Variants in MEI4 observed in about 807,000 individuals in gnomAD.
MEI4 encodes meiosis-specific protein MEI4.
In MEI4, 27 loss-of-function variants were observed where a neutral mutation model predicts 31.4. That is an observed-to-expected ratio of 0.86 (90% CI 0.63 to 1.19). The LOEUF is 1.19. Ranked by LOEUF, MEI4 falls within the 50% of genes most tolerant of loss-of-function variation. The probability of loss-of-function intolerance (pLI) is 0.00; values close to 1 mark genes in which losing one functional copy is unlikely to be tolerated. For missense variants in MEI4, 329 were observed against 398.9 expected (o/e 0.82, Z 1.49); for synonymous variants, 122 against 145.4 (o/e 0.84, Z 1.16).
chr6:77,907,858 G>T (rs1011740681), intron 4 of MEI4, among the ~76,000 whole-genome samples: 1 of 151,942 alleles, frequency 6.6e-6, no homozygotes, highest in East Asian at 1.9e-4. Flanking sequence ...GTATGAGATG[G>T]TATCTCATTG....
At chr6:77,861,183 C>CT (rs1284478189) in intron 4 of MEI4, among the ~76,000 whole-genome samples, 4 of 152,148 alleles carry the variant, frequency 2.6e-5, no homozygotes, top group Admixed American at 2.6e-4. Context: ...CCACAGTGCC[C>CT]TTTTGATTGG....
intron 2 of MEI4, among the ~76,000 whole-genome samples, chr6:77,740,435 A>C (rs1362542292): frequency 6.6e-6 from 1 of 152,184 alleles, no homozygotes; most frequent in African/African-American, 2.4e-5. Flanking sequence ...TATTACTGCA[A>C]TTGAAGCCTT....
At chr6:77,754,156 A>G (rs1287227136) in intron 2 of MEI4, among the ~76,000 whole-genome samples, 1 of 152,092 alleles carries the variant, frequency 6.6e-6, no homozygotes, top group African/African-American at 2.4e-5. Flanking sequence ...AATGTAGATG[A>G]TGGGTTGATG....
At chr6:77,674,516 C>T (rs1768804604) in intron 1 of MEI4, among the ~76,000 whole-genome samples, 1 of 152,132 alleles carries the variant, frequency 6.6e-6, no homozygotes, top group Admixed American at 6.5e-5. Context: ...CTGAAGTATT[C>T]AATGCAGTAA....
intron 2 of MEI4, among the ~76,000 whole-genome samples, chr6:77,698,492 G>T (rs1473262539): frequency 6.6e-6 from 1 of 152,134 alleles, no homozygotes; most frequent in Non-Finnish European, 1.5e-5. Flanking sequence ...GCATTTGCTT[G>T]TCTGTAAAGG....
chr6:77,774,136 A>T (rs1404898373), intron 3 of MEI4, among the ~76,000 whole-genome samples: 1 of 152,136 alleles, frequency 6.6e-6, no homozygotes, highest in East Asian at 1.9e-4. Context: ...AGAACTTCAA[A>T]TGATCCAGGA....
At position 77,730,423 on chromosome 6, in the gene MEI4, C is replaced by T. The variant is rs1905263; in HGVS notation, c.233-30707C>T. Among the ~76,000 whole-genome samples the T allele has an allele frequency of 0.023, 3,447 of 151,964 alleles. 324 individuals carry two copies. In the East Asian group the frequency reaches 0.31, roughly 14 times the overall value. ...CTGACACTTCCTGTTTGTTAGGAAA[C>T]GGAATTAGGACTATGTTTTCACTAT... is the stretch of plus-strand genomic sequence containing the variant. On this transcript the variant is annotated intron_variant, in intron 2 of 4. Transcript: ENST00000684080.
At chr6:77,736,067 AG>A (rs1767199904) in intron 2 of MEI4, among the ~76,000 whole-genome samples, 1 of 152,026 alleles carries the variant, frequency 6.6e-6, no homozygotes, top group South Asian at 2.1e-4. Context: ...AAGTCTGCAG[AG>A]GTTACTGCTG....
chr6:77,663,402 A>G (rs1269691853), intron 1 of MEI4, among the ~76,000 whole-genome samples: 1 of 151,946 alleles, frequency 6.6e-6, no homozygotes, highest in Non-Finnish European at 1.5e-5. Flanking sequence ...TTGTGGGTTA[A>G]GGTGGGGGGA....
chr6:77,875,453 C>T lies in MEI4; in HGVS notation c.900+46391C>T, dbSNP rs189040746. 4.5e-3 allele frequency among the ~76,000 whole-genome samples: 688 copies of T among 152,210 alleles called. 5 individuals are homozygous for T. Among genetic ancestry groups the T allele is most frequent in the African/African-American group, 0.016 (672 of 41,546 alleles). ...CAGTGTTGTTTAACAATGGTTTTAG[C>T]TTTTTGCTATATTTGACATGATTGT... On this transcript the variant is annotated intron_variant, in intron 4 of 4. Coordinates refer to ENST00000684080, the MANE Select transcript of MEI4 (RefSeq NM_001322247.2).
upstream of MEI4, among the ~76,000 whole-genome samples, chr6:77,651,502 C>G (rs1395642855): frequency 6.6e-6 from 1 of 152,104 alleles, no homozygotes; most frequent in African/African-American, 2.4e-5. Flanking sequence ...TGTTCAATAG[C>G]AACATTTTTG....
At chr6:77,786,321 A>C (rs556145101) in intron 3 of MEI4, among the ~76,000 whole-genome samples, 1 of 152,258 alleles carries the variant, frequency 6.6e-6, no homozygotes, top group Non-Finnish European at 1.5e-5. Context: ...ACTAAGGTAA[A>C]ATTGTAAACA....
At chr6:77,762,356 T>C (rs1338715785) in intron 3 of MEI4, among the ~76,000 whole-genome samples, 2 of 152,214 alleles carry the variant, frequency 1.3e-5, no homozygotes, top group African/African-American at 4.8e-5. Flanking sequence ...GAAGTTGTTT[T>C]GTTGTTTGGC....
chr6:77,839,956 CTGAGGTAACCCA>C (rs1277978590), intron 4 of MEI4, among the ~76,000 whole-genome samples: 4 of 152,086 alleles, frequency 2.6e-5, no homozygotes, highest in African/African-American at 9.7e-5. Flanking sequence ...GAAGTAATCC[CTGAGGTAACCCA>C]GATATTAAAA....
intron 2 of MEI4, among the ~76,000 whole-genome samples, chr6:77,712,936 A>C (rs1766499135): frequency 6.6e-6 from 1 of 151,874 alleles, no homozygotes; most frequent in East Asian, 2.0e-4. Flanking sequence ...GGGCCACTGC[A>C]TTCCAGCCTG....
intron 2 of MEI4, among the ~76,000 whole-genome samples, chr6:77,757,450 A>G (rs150906855): frequency 5.3e-5 from 8 of 152,300 alleles, no homozygotes; most frequent in East Asian, 1.9e-4. Context: ...AAGGTGGTCA[A>G]TGTTGTGTAT....
At chr6:77,701,839 C>A (rs1165557590) in intron 2 of MEI4, among the ~76,000 whole-genome samples, 1 of 152,040 alleles carries the variant, frequency 6.6e-6, no homozygotes, top group Non-Finnish European at 1.5e-5. Context: ...AGGTGGAGGG[C>A]AGTATGCAGA....
At chr6:77,650,447 C>T (rs986110966), upstream of MEI4, among the ~76,000 whole-genome samples, 6 of 152,226 alleles carry the variant, frequency 3.9e-5, no homozygotes, top group African/African-American at 1.4e-4. Flanking sequence ...GCCAGCGTTT[C>T]CCCGCTGGCT....
chr6:77,728,202 A>C (rs922024987), intron 2 of MEI4, among the ~76,000 whole-genome samples: 36 of 152,232 alleles, frequency 2.4e-4, no homozygotes, highest in African/African-American at 8.0e-4. Flanking sequence ...TTTTCAATAC[A>C]ATAATGAAGA....
Sources: allele counts gnomAD v4.1 joint callset (sites outside exome capture counted in the v4.1 genomes callset), GRCh38; gene constraint gnomAD v4.1.1; transcripts MANE v1.5; gene names NCBI Gene and HGNC (gene_info 2026-07-23, HGNC 2026-07-21).